LIMD1: variants seen among roughly 807,000 people sequenced by gnomAD.
LIMD1 encodes the protein LIM domain containing 1, also known as LIM domain-containing protein 1.
LIMD1 carries 23 observed loss-of-function variants against 58.4 expected under a neutral mutation model. That is an observed-to-expected ratio of 0.39 (90% CI 0.28 to 0.56). The LOEUF (loss-of-function observed/expected upper bound fraction) is 0.56. Ranked by LOEUF, LIMD1 falls within the 20% of genes least tolerant of loss-of-function variation. The pLI is 0.57. For missense variants in LIMD1, 838 were observed against 855.5 expected (o/e 0.98, Z 0.25); for synonymous variants, 334 against 345.5 (o/e 0.97, Z 0.37).
rs745863326 is a variant in LIMD1, at chr3:45,596,040, T to C, written c.1161T>C (p.Ser387=). The stretch of plus-strand genomic sequence containing the variant: ...CTGGTCCCAAGCTCAGCCCCACCAG[T>C]CTTGTCCATCCAGTGATGTCCACCC... ...LGTGPKLSPT[S]LVHPVMSTLP... Residue 387 remains serine, a synonymous_variant, in exon 1 of 8, where the codon AGT becomes AGC. Transcript: ENST00000273317. 1 of 1,614,220 alleles carries C rather than the reference T, an allele frequency of 6.2e-7. No individual in the cohort carries two copies. The highest frequency in any genetic ancestry group is 2.2e-5 in the East Asian group (1 of 44,884).
Position 45,636,264 on chromosome 3 carries a change from G to T in LIMD1, c.1510+13G>T. On this transcript the variant is annotated intron_variant, in intron 2 of 7. Transcript: ENST00000273317. ...TGTGCAGCTTGCAGTAAGTGTGGGT[G>T]TGGGTGTCGGGTGTGTGGGGGATGC... 6.3e-7 allele frequency: 1 copy of T among 1,581,636 alleles called. No individual in the cohort carries two copies. Among genetic ancestry groups the T allele is most frequent in the Non-Finnish European group, 8.6e-7 (1 of 1,158,414 alleles).
chr3:45,623,668 C>T (rs1462988686), intron 1 of LIMD1, among the ~76,000 whole-genome samples: 1 of 152,124 alleles, frequency 6.6e-6, no homozygotes, highest in Non-Finnish European at 1.5e-5. Context: ...TCCTTTGTGG[C>T]TTGGTGATGG....
At chr3:45,606,479 C>G (rs980406364) in intron 1 of LIMD1, among the ~76,000 whole-genome samples, 1 of 152,326 alleles carries the variant, frequency 6.6e-6, no homozygotes, top group Non-Finnish European at 1.5e-5. Flanking sequence ...GGGTCCCACT[C>G]TTGCAACGAG....
rs192820427 is a variant in LIMD1 at position 45,681,099 on chromosome 3, T to C, written c.*4040T>C. 13 of 152,346 alleles carry C rather than the reference T, an allele frequency of 8.5e-5. No homozygotes were observed. The highest frequency in any genetic ancestry group is 3.1e-4 in the African/African-American group (13 of 41,580). The allele number at this position is 152,346 out of a possible 1,614,324, so 9.4% of individuals were successfully genotyped here. ...AAAACTTGACAGATGTGGGAAATCTTCATATAGTGTATGAAAATTTCATTG... is the reference window on the plus strand; with the variant it reads ...AAAACTTGACAGATGTGGGAAATCTCCATATAGTGTATGAAAATTTCATTG... On this transcript the variant is annotated 3_prime_UTR_variant, in exon 8 of 8. Transcript: ENST00000273317.
Position 45,684,304 on chromosome 3 carries a change from A to G in LIMD1, c.*7245A>G, listed in dbSNP as rs942215098. ...GGTGGTTCTGGGCCCTGTGTTGCCC[A>G]TGAGACTTGGTCCACGGCAAGCCTG... On this transcript the variant is annotated 3_prime_UTR_variant, in exon 8 of 8. Coordinates refer to ENST00000273317, the MANE Select transcript of LIMD1 (RefSeq NM_014240.3). The G allele has an allele frequency of 6.6e-6, 1 of 152,204 alleles. No individual in the cohort carries two copies. Among genetic ancestry groups the G allele is most frequent in the Non-Finnish European group, 1.5e-5 (1 of 68,052 alleles). The allele number at this position is 152,204 out of a possible 1,614,324, so 9.4% of individuals were successfully genotyped here. A position where few individuals can be genotyped will look rare whatever the true frequency, so the allele number is the denominator to read the frequency against.
intron 2 of LIMD1, among the ~76,000 whole-genome samples, chr3:45,648,176 G>A (rs554985927): frequency 2.4e-4 from 36 of 152,224 alleles, no homozygotes; most frequent in African/African-American, 8.7e-4. Flanking sequence ...GTATAATTCT[G>A]AACACAGAAT....
At chr3:45,626,432 A>G (rs1296116967) in intron 1 of LIMD1, among the ~76,000 whole-genome samples, 1 of 152,258 alleles carries the variant, frequency 6.6e-6, no homozygotes, top group East Asian at 1.9e-4. Flanking sequence ...AGCCATGAAA[A>G]GACATGGAGA....
intron 1 of LIMD1, among the ~76,000 whole-genome samples, chr3:45,622,282 T>C (rs1384657544): frequency 1.3e-5 from 2 of 152,168 alleles, no homozygotes; most frequent in Admixed American, 1.3e-4. Flanking sequence ...GAATTTTAAA[T>C]TATTTTCCTT....
intron 3 of LIMD1, among the ~76,000 whole-genome samples, chr3:45,666,050 T>C (rs116643740): frequency 1.5e-3 from 236 of 152,258 alleles, no homozygotes; most frequent in African/African-American, 5.3e-3. Flanking sequence ...GGGATCTAGC[T>C]TCTCCCATGG....
At chr3:45,672,364 C>T (rs544352070) in intron 4 of LIMD1, among the ~76,000 whole-genome samples, 20 of 152,306 alleles carry the variant, frequency 1.3e-4, no homozygotes, top group Admixed American at 6.5e-4. Context: ...CCCATCCCTT[C>T]CTTACCATCT....
rs1393217420 is a variant in LIMD1 at position 45,595,139 on chromosome 3, A to G, written c.260A>G (p.Gln87Arg). The G allele has an allele frequency of 1.2e-6, 2 of 1,605,606 alleles. No individual in the cohort carries two copies. Among genetic ancestry groups the G allele is most frequent in the African/African-American group, 1.3e-5 (1 of 74,744 alleles). The change falls in exon 1 of 8, where the codon CAG (glutamine) becomes CGG (arginine). Residue 87 changes from glutamine (Q) to arginine (R), a missense_variant. Gln to Arg is a conservative substitution (Grantham distance 43). Around this residue, in one of 3 missense-constraint regions of LIMD1, gnomAD observed 659 missense variants for 639.8 expected, o/e 1.03. Transcript: ENST00000273317. ...AATGGAGGGGGCCGCCTGGGCCCAC[A>G]GGCCCGTTGGGAAGTTGTGGGCAGC... ...PVNGGGRLGP[Q>R]ARWEVVGSKL...
At chr3:45,661,454 A>G (rs946399917) in intron 2 of LIMD1, among the ~76,000 whole-genome samples, 1 of 152,198 alleles carries the variant, frequency 6.6e-6, no homozygotes, top group African/African-American at 2.4e-5. Context: ...CAACATGTAT[A>G]TGGGTTATCA....
chr3:45,649,758 TTTATATATATAA>T (rs1007747808), intron 2 of LIMD1, among the ~76,000 whole-genome samples: 3 of 146,126 alleles, frequency 2.1e-5, no homozygotes, highest in Non-Finnish European at 4.5e-5. Flanking sequence ...AATTATATAT[TTTATATATATAA>T]TTATATATAT....
At chr3:45,625,037 A>G (rs1279395763) in intron 1 of LIMD1, among the ~76,000 whole-genome samples, 1 of 152,106 alleles carries the variant, frequency 6.6e-6, no homozygotes, top group Non-Finnish European at 1.5e-5. Context: ...CAGGCCAGGC[A>G]GGGTTGTATC....
At chr3:45,619,858 T>TG (rs1701614429) in intron 1 of LIMD1, among the ~76,000 whole-genome samples, 1 of 111,054 alleles carries the variant, frequency 9.0e-6, no homozygotes, top group Non-Finnish European at 1.7e-5. Flanking sequence ...CACATTTTAC[T>TG]GGGCATCCTA....
Position 45,595,320 on chromosome 3 carries a change from C to A in LIMD1, c.441C>A (p.Asp147Glu). 3.7e-6 allele frequency: 6 copies of A among 1,613,576 alleles called. No individual in the cohort carries two copies. In the Middle Eastern group the frequency reaches 6.6e-4, roughly 177 times the overall value. ...ATGGCACGAGGCATGGCAGCCAGGACTGTGGTTCCAGGGAGAGCCTGGCGA... is the reference window on the plus strand; with the variant it reads ...ATGGCACGAGGCATGGCAGCCAGGAATGTGGTTCCAGGGAGAGCCTGGCGA... ...YLHGTRHGSQ[D>E]CGSRESLATS... Residue 147 changes from aspartate (D) to glutamate (E), a missense_variant, in exon 1 of 8, where the codon GAC (aspartate) becomes GAA (glutamate). Physicochemically the swap from Asp to Glu is conservative, Grantham distance 45 (BLOSUM62 2). Transcript: ENST00000273317.
chr3:45,621,476 G>A (rs1184500945), intron 1 of LIMD1, among the ~76,000 whole-genome samples: 1 of 152,132 alleles, frequency 6.6e-6, no homozygotes, highest in Non-Finnish European at 1.5e-5. Context: ...CTAGGCTCAA[G>A]AGATCCTCCC....
At chr3:45,638,405 C>G (rs1467447185) in intron 2 of LIMD1, among the ~76,000 whole-genome samples, 1 of 152,200 alleles carries the variant, frequency 6.6e-6, no homozygotes, top group African/African-American at 2.4e-5. Context: ...ACACAGTGAA[C>G]ATAGTACCCA....
At chr3:45,636,574 A>G (rs1701791342) in intron 2 of LIMD1, among the ~76,000 whole-genome samples, 1 of 152,176 alleles carries the variant, frequency 6.6e-6, no homozygotes, top group Non-Finnish European at 1.5e-5. Flanking sequence ...GCTGGGATTC[A>G]CCATGTCTAC....
Sources: allele counts gnomAD v4.1 joint callset (sites outside exome capture counted in the v4.1 genomes callset), GRCh38; gene constraint gnomAD v4.1.1; regional missense constraint gnomAD v4.1.1; transcripts MANE v1.5; gene names NCBI Gene and HGNC (gene_info 2026-07-23, HGNC 2026-07-21).